The following RAD23B variants were observed in gnomAD, a reference collection of about 807,000 sequenced individuals.
RAD23B encodes RAD23 nucleotide excision repair protein B, also known as lysine-specific demethylase RAD23B.
In RAD23B, 5 loss-of-function variants were observed where a neutral mutation model predicts 49.1. That is an observed-to-expected ratio of 0.10 (90% CI 0.05 to 0.21). The LOEUF is 0.21. Ranked by LOEUF, RAD23B falls within the 10% of genes least tolerant of loss-of-function variation. The probability of loss-of-function intolerance (pLI) is 1.00; values close to 1 mark genes in which losing one functional copy is unlikely to be tolerated. For synonymous variants in RAD23B, 184 were observed against 165.4 expected, an observed-to-expected ratio of 1.11 and a Z score of -0.86; for missense variants, 356 against 486.7, an observed-to-expected ratio of 0.73 and a Z score of 2.53.
At chr9:107,287,606 G>A (rs1028838464) in intron 1 of RAD23B, among the ~76,000 whole-genome samples, 9 of 151,980 alleles carry the variant, frequency 5.9e-5, no homozygotes, top group Non-Finnish European at 7.4e-5. Context: ...AAGCCGAGGC[G>A]GGTGGATCAC....
chr9:107,283,329 G>T lies in RAD23B; in HGVS notation c.-301G>T, dbSNP rs1833194294. The T allele has an allele frequency of 2.4e-6, 1 of 417,844 alleles. No homozygotes were observed. The highest frequency in any genetic ancestry group is 2.1e-5 in the African/African-American group (1 of 48,704). 25.9% of individuals were successfully genotyped at this position (417,844 alleles called of 1,614,324 possible). A position where few individuals can be genotyped will look rare whatever the true frequency, so the allele number is the denominator to read the frequency against. On this transcript the variant is annotated 5_prime_UTR_variant, in exon 1 of 10. Transcript: ENST00000358015. Reference sequence around the variant, plus strand: ...CCTGTGGTGAGCTAGCGGATTCCCTGCTTGTCTCGCCGACCCCCTCGCGCC... The same window carrying T: ...CCTGTGGTGAGCTAGCGGATTCCCTTCTTGTCTCGCCGACCCCCTCGCGCC...
In RAD23B at chr9:107,326,627, C is replaced by CTTTTTT. The variant is rs796381629; in HGVS notation, c.1116+1642_1116+1647dup. On this transcript the variant is annotated intron_variant, in intron 9 of 9. Transcript: ENST00000358015. ...ACTTGTCTATTCAACTTTTGTATTTCTTTTTTTTTTTTTTTTTTTTTTTTG... is the reference window on the plus strand; with the variant it reads ...ACTTGTCTATTCAACTTTTGTATTTCTTTTTTTTTTTTTTTTTTTTTTTTTTTTTTG... Among the ~76,000 whole-genome samples the CTTTTTT allele has an allele frequency of 4.6e-4, 31 of 67,570 alleles. 1 individual carries two copies. The highest frequency in any genetic ancestry group is 1.9e-3 in the East Asian group (3 of 1,598). The allele number at this position is 67,570 out of a possible 152,430, so 44.3% of individuals were successfully genotyped here.
chr9:107,313,989 ACT>A (rs1477777126), intron 5 of RAD23B, among the ~76,000 whole-genome samples: 1 of 148,388 alleles, frequency 6.7e-6, no homozygotes, highest in African/African-American at 2.5e-5. Flanking sequence ...GTTACTAATG[ACT>A]CTGTTTCTTA....
In RAD23B at chr9:107,283,610, C is replaced by G; in HGVS notation, c.-20C>G. On this transcript the variant is annotated 5_prime_UTR_variant, in exon 1 of 10. Transcript: ENST00000358015. ...CCAGCACCCGGCGCAGGCCCGGCAG[C>G]CGAGCTGCGCGGCGGCACCATGCAG... is the stretch of plus-strand genomic sequence containing the variant. 6.8e-7 allele frequency: 1 copy of G among 1,470,482 alleles called. No individual in the cohort carries two copies. The highest frequency in any genetic ancestry group is 9.0e-7 in the Non-Finnish European group (1 of 1,108,080). 91.1% of individuals were successfully genotyped at this position (1,470,482 alleles called of 1,614,324 possible).
intron 2 of RAD23B, 38 bp from the exon 3 acceptor site, chr9:107,301,997 T>A (rs757973212): frequency 6.2e-7 from 1 of 1,602,578 alleles, no homozygotes; most frequent in Middle Eastern, 1.9e-4. Context: ...AGAGAAAGAT[T>A]ATGCCTTAAA....
chr9:107,318,641 G>A lies in RAD23B; in HGVS notation c.554-111G>A, dbSNP rs1827042428. On this transcript the variant is annotated intron_variant, in intron 5 of 9. Transcript: ENST00000358015. The surrounding 1 kb of genome is among the most constrained non-coding windows in gnomAD (Gnocchi z 4.3). ...GTAATTTATACTGTTACTCATCTTT[G>A]TATTCCCAGCATAGTAGTTCCTGAA... 1 of 1,177,808 alleles carries A rather than the reference G, an allele frequency of 8.5e-7. No homozygotes were observed. Among genetic ancestry groups the A allele is most frequent in the Non-Finnish European group, 1.2e-6 (1 of 843,378 alleles). The allele number at this position is 1,177,808 out of a possible 1,614,324, so 73.0% of individuals were successfully genotyped here.
chr9:107,330,179 A>C lies in RAD23B; in HGVS notation c.*523A>C, dbSNP rs1321913135. The C allele has an allele frequency of 2.6e-5, 4 of 152,652 alleles. No homozygotes were observed. Among genetic ancestry groups the C allele is most frequent in the Non-Finnish European group, 4.4e-5 (3 of 68,044 alleles). The allele number at this position is 152,652 out of a possible 1,614,324, so 9.5% of individuals were successfully genotyped here. A position where few individuals can be genotyped will look rare whatever the true frequency, so the allele number is the denominator to read the frequency against. On this transcript the variant is annotated 3_prime_UTR_variant, in exon 10 of 10. Transcript: ENST00000358015. This position sits in a 1 kb window ranked among gnomAD's most constrained non-coding sequence, Gnocchi z 4.4. The stretch of plus-strand genomic sequence containing the variant: ...CTGCTTCAAAAATAAGTATAAAATT[A>C]ATATGTAAGGAAGCCCATTCTTTCA...
chr9:107,328,278 C>A (rs1292436799), intron 9 of RAD23B, among the ~76,000 whole-genome samples: 2 of 152,144 alleles, frequency 1.3e-5, no homozygotes, highest in African/African-American at 2.4e-5. Context: ...ACACAGCAGT[C>A]TTTAACCTTT....
intron 8 of RAD23B, among the ~76,000 whole-genome samples, chr9:107,324,389 C>A (rs943066114): frequency 5.3e-5 from 8 of 151,870 alleles, no homozygotes; most frequent in Non-Finnish European, 1.0e-4. Flanking sequence ...AACTTTTAAG[C>A]AACAGGAACA....
At chr9:107,303,217 G>C (rs551206922) in intron 3 of RAD23B, among the ~76,000 whole-genome samples, 82 of 152,254 alleles carry the variant, frequency 5.4e-4, no homozygotes, top group Non-Finnish European at 1.1e-3. Context: ...CTGAAAATGA[G>C]TTTAAATCAC....
chr9:107,300,233 A>C lies in RAD23B; in HGVS notation c.148+11A>C, dbSNP rs1285083351. ...AATTAATTTATGCAGGTATGAATTA[A>C]ATATTAAAATTAACATGCCATGTCT... On this transcript the variant is annotated intron_variant, in intron 2 of 9. Coordinates refer to ENST00000358015, the MANE Select transcript of RAD23B (RefSeq NM_002874.5). 1.9e-6 allele frequency: 3 copies of C among 1,594,292 alleles called. No individual in the cohort carries two copies. The highest frequency in any genetic ancestry group is 2.6e-6 in the Non-Finnish European group (3 of 1,171,748).
At chr9:107,307,810 GT>G (rs745609911) in intron 4 of RAD23B, among the ~76,000 whole-genome samples, 9 of 152,102 alleles carry the variant, frequency 5.9e-5, no homozygotes, top group Admixed American at 1.3e-4. Flanking sequence ...GACAACATGG[GT>G]TTAGGCAATA....
At chr9:107,299,824 C>G (rs1296768512) in intron 1 of RAD23B, among the ~76,000 whole-genome samples, 2 of 152,036 alleles carry the variant, frequency 1.3e-5, no homozygotes, top group Non-Finnish European at 2.9e-5. Context: ...CTTTCTTGCT[C>G]CGTGGGAAAT....
In RAD23B at chr9:107,283,628, C is replaced by T. The variant is rs1833203557; in HGVS notation, c.-2C>T. 6.8e-7 allele frequency: 1 copy of T among 1,478,880 alleles called. No homozygotes were observed. Among genetic ancestry groups the T allele is most frequent in the East Asian group, 3.1e-5 (1 of 32,130 alleles). 91.6% of individuals were successfully genotyped at this position (1,478,880 alleles called of 1,614,324 possible). ...CCGGCAGCCGAGCTGCGCGGCGGCACCATGCAGGTCACCCTGAAGACCCTC... is the reference window on the plus strand; with the variant it reads ...CCGGCAGCCGAGCTGCGCGGCGGCATCATGCAGGTCACCCTGAAGACCCTC... On this transcript the variant is annotated 5_prime_UTR_variant, in exon 1 of 10. Coordinates refer to ENST00000358015, the MANE Select transcript of RAD23B (RefSeq NM_002874.5).
At chr9:107,301,725 T>A (rs536307076) in intron 2 of RAD23B, among the ~76,000 whole-genome samples, 1 of 151,862 alleles carries the variant, frequency 6.6e-6, no homozygotes, top group South Asian at 2.1e-4. Flanking sequence ...TTTTTTTTCA[T>A]AAACAGGGTC....
intron 1 of RAD23B, among the ~76,000 whole-genome samples, chr9:107,298,074 CTAAA>C (rs1238919516): frequency 6.6e-6 from 1 of 152,080 alleles, no homozygotes; most frequent in Non-Finnish European, 1.5e-5. Flanking sequence ...TGTAGTTTTC[CTAAA>C]TAATCACACT....
intron 1 of RAD23B, among the ~76,000 whole-genome samples, chr9:107,288,334 A>G (rs554757160): frequency 1.2e-4 from 18 of 152,368 alleles, no homozygotes; most frequent in African/African-American, 4.3e-4. Context: ...CTAGTGGGAT[A>G]AAACTGTCAA....
chr9:107,307,747 C>G (rs1826807424), intron 4 of RAD23B, among the ~76,000 whole-genome samples: 1 of 152,202 alleles, frequency 6.6e-6, no homozygotes, highest in Non-Finnish European at 1.5e-5. Flanking sequence ...TCTGAGCCAC[C>G]TGGTTCATTG....
chr9:107,324,170 G>A (rs1587864433), intron 8 of RAD23B, among the ~76,000 whole-genome samples, 153 bp downstream of exon 8: 1 of 152,120 alleles, frequency 6.6e-6, no homozygotes, highest in Non-Finnish European at 1.5e-5. Flanking sequence ...AATCTAGATA[G>A]GTGTACTAAA....
Sources: gnomAD v4.1 joint callset for allele counts (sites outside exome capture counted in the v4.1 genomes callset) on GRCh38, gnomAD v4.1.1 for gene constraint, Gnocchi (gnomAD v3.1) non-coding constraint, MANE v1.5 for transcripts, NCBI Gene and HGNC (gene_info 2026-07-23, HGNC 2026-07-21) for gene names.